Variants in ABCC5 observed in about 807,000 individuals in gnomAD.
The protein encoded by ABCC5 is ATP binding cassette subfamily C member 5.
In ABCC5, 61 loss-of-function variants were observed where a neutral mutation model predicts 160.9. The ratio of observed to expected loss-of-function variants is 0.38; its 90% CI spans 0.31 to 0.47. ABCC5 has a LOEUF of 0.47. ABCC5 is among the 20% of genes least tolerant of loss of function. The pLI, the probability that ABCC5 is intolerant of heterozygous loss-of-function variation, is 0.99. For synonymous variants in ABCC5, 666 were observed against 700.6 expected, an observed-to-expected ratio of 0.95 and a Z score of 0.78; for missense variants, 1,308 against 1,813.3, an observed-to-expected ratio of 0.72 and a Z score of 5.06.
intron 11 of ABCC5, among the ~76,000 whole-genome samples, chr3:183,970,261 T>G (rs1717614500): frequency 6.6e-6 from 1 of 152,176 alleles, no homozygotes; most frequent in African/African-American, 2.4e-5. Context: ...CCTCTGTGTT[T>G]CTGTTCCTTT....
intron 10 of ABCC5, 170 bp from the exon 11 acceptor site, chr3:183,972,089 G>A: frequency 1.4e-6 from 2 of 1,419,946 alleles, no homozygotes; most frequent in East Asian, 2.5e-5. Flanking sequence ...CCATCAAGGG[G>A]TCACGGGAGT....
chr3:184,004,667 A>C (rs565593710), intron 2 of ABCC5, among the ~76,000 whole-genome samples: 2 of 152,308 alleles, frequency 1.3e-5, no homozygotes, highest in East Asian at 3.9e-4. Context: ...CACCGTGAGA[A>C]GCAAACACAA....
intron 11 of ABCC5, among the ~76,000 whole-genome samples, chr3:183,969,609 T>C (rs572856995): frequency 1.8e-4 from 27 of 151,514 alleles, no homozygotes; most frequent in African/African-American, 6.6e-4. Flanking sequence ...GGAGAATCAC[T>C]TGAACCCGGG....
intron 8 of ABCC5, among the ~76,000 whole-genome samples, chr3:183,979,840 G>A (rs66605623): frequency 0.23 from 34,822 of 151,540 alleles, 4,940 homozygotes; most frequent in Middle Eastern, 0.33. Context: ...CTTCCAAAGC[G>A]TGGAGACTAA....
chr3:183,950,274 C>T, intron 20 of ABCC5, 149 bp from the exon 21 acceptor site: 7 of 934,176 alleles, frequency 7.5e-6, no homozygotes, highest in Admixed American at 3.5e-5. Context: ...ATTTAGAAAC[C>T]TGGATGCTCT....
In ABCC5 at chr3:183,938,013, C is replaced by T; in HGVS notation, c.3742G>A (p.Gly1248Arg). ...MALFRLVELS[G>R]GCIKIDGVRI... ...ACTCCATCAATCTTGATGCAGCCTC[C>T]AGATAACTCCACCAGACGGAAGAGG... Residue 1248 changes from glycine to arginine, a missense_variant, in exon 26 of 30, where the codon GGA becomes AGA. This residue lies in a region of ABCC5 where 163 missense variants were observed against 269.7 expected (regional missense o/e 0.60). Coordinates refer to ENST00000334444, the MANE Select transcript of ABCC5 (RefSeq NM_005688.4). The T allele has an allele frequency of 6.2e-7, 1 of 1,614,200 alleles. No homozygotes were observed. The highest frequency in any genetic ancestry group is 2.2e-5 in the East Asian group (1 of 44,886).
intron 25 of ABCC5, among the ~76,000 whole-genome samples, chr3:183,939,824 C>A (rs992427120): frequency 6.6e-6 from 1 of 152,184 alleles, no homozygotes. Flanking sequence ...AATCACTTTT[C>A]CTTGGCTGTA....
At chr3:183,945,745 G>A in intron 24 of ABCC5, 105 bp downstream of exon 24, 1 of 847,788 alleles carries the variant, frequency 1.2e-6, no homozygotes, top group South Asian at 1.3e-5. Context: ...GGATTAGATA[G>A]GCAGAGAACA....
At chr3:184,015,659 C>G (rs1420042197) in intron 1 of ABCC5, among the ~76,000 whole-genome samples, 1 of 151,924 alleles carries the variant, frequency 6.6e-6, no homozygotes, top group Non-Finnish European at 1.5e-5. Context: ...GTTCAAGTAC[C>G]CTAAGTTGAT....
At chr3:183,999,735 C>T (rs1018564422) in intron 2 of ABCC5, among the ~76,000 whole-genome samples, 7 of 152,110 alleles carry the variant, frequency 4.6e-5, no homozygotes, top group African/African-American at 1.4e-4. Flanking sequence ...GCCATGATTG[C>T]ACCTCTGCAC....
At chr3:183,957,911 CGTGTGT>C (rs1716334323) in intron 17 of ABCC5, among the ~76,000 whole-genome samples, 1 of 148,888 alleles carries the variant, frequency 6.7e-6, no homozygotes, top group African/African-American at 2.5e-5. Flanking sequence ...CATGCGGATC[CGTGTGT>C]ATATCACATC....
chr3:183,986,973 G>C (rs1424442325), intron 5 of ABCC5: 1 of 152,152 alleles, frequency 6.6e-6, no homozygotes, highest in Non-Finnish European at 1.5e-5. Flanking sequence ...CTGCAAATTA[G>C]TTTTACCTAA....
chr3:183,985,564 G>A, intron 5 of ABCC5: 2 of 717,686 alleles, frequency 2.8e-6, no homozygotes, highest in Non-Finnish European at 2.6e-6. Flanking sequence ...CCAAGAGAGA[G>A]CACTGCAGGA....
At position 183,921,227 on chromosome 3, in the gene ABCC5, C is replaced by T. The variant is rs1711934091; in HGVS notation, c.*73G>A. 6 of 789,684 alleles carry T rather than the reference C, an allele frequency of 7.6e-6. No individual in the cohort carries two copies. Among genetic ancestry groups the T allele is most frequent in the Admixed American group, 4.7e-5 (2 of 42,260 alleles). The allele number at this position is 789,684 out of a possible 1,614,324, so 48.9% of individuals were successfully genotyped here. A position where few individuals can be genotyped will look rare whatever the true frequency, so the allele number is the denominator to read the frequency against. On this transcript the variant is annotated 3_prime_UTR_variant, in exon 30 of 30. Coordinates refer to ENST00000334444, the MANE Select transcript of ABCC5 (RefSeq NM_005688.4). The surrounding 1 kb of genome is among the most constrained non-coding windows in gnomAD (Gnocchi z 4.1). The stretch of plus-strand genomic sequence containing the variant: ...GAAAGGCAAGGTTTCGGTAGGAGGA[C>T]GCGATGAGGGGCCCGCCCCAGGCAG...
chr3:183,959,885 G>C, intron 16 of ABCC5, 50 bp from the exon 17 acceptor site: 1 of 1,311,058 alleles, frequency 7.6e-7, no homozygotes, highest in Non-Finnish European at 1.1e-6. Flanking sequence ...CCATCCAGAT[G>C]AATGTCCACA....
At chr3:183,968,032 C>T (rs1460711322) in intron 11 of ABCC5, among the ~76,000 whole-genome samples, 4 of 152,116 alleles carry the variant, frequency 2.6e-5, no homozygotes, top group African/African-American at 4.8e-5. Context: ...TTCTTAGGCC[C>T]AGCCTCTTTC....
At chr3:183,935,847 C>T (rs1277133275) in intron 26 of ABCC5, among the ~76,000 whole-genome samples, 2 of 152,184 alleles carry the variant, frequency 1.3e-5, no homozygotes, top group Non-Finnish European at 2.9e-5. Flanking sequence ...GACCTTATTA[C>T]CTCAATACCC....
chr3:183,983,707 A>G, intron 5 of ABCC5: 1 of 984,710 alleles, frequency 1.0e-6, no homozygotes, highest in Non-Finnish European at 1.2e-6. Flanking sequence ...GCCGGAGCAC[A>G]CACTCACACA....
chr3:183,942,350 A>G (rs1412842377), intron 25 of ABCC5: 2 of 461,450 alleles, frequency 4.3e-6, no homozygotes, highest in Non-Finnish European at 8.7e-6. Context: ...TAGTTTTAAA[A>G]GAAGGCCATG....
Sources: gnomAD v4.1 joint callset for allele counts (sites outside exome capture counted in the v4.1 genomes callset) on GRCh38, gnomAD v4.1.1 for gene constraint, gnomAD v4.1.1 regional missense constraint, Gnocchi (gnomAD v3.1) non-coding constraint, MANE v1.5 for transcripts, NCBI Gene and HGNC (gene_info 2026-07-23, HGNC 2026-07-21) for gene names.